The following ZPLD1 variants were observed in gnomAD, a reference collection of about 807,000 sequenced individuals.
ZPLD1 encodes zona pellucida like domain containing 1, also known as zona pellucida-like domain-containing protein 1.
Under a neutral mutation model 47.2 loss-of-function variants are expected in ZPLD1, and 34 were observed. That is an observed-to-expected ratio of 0.72 (90% CI 0.55 to 0.96). ZPLD1 has a LOEUF of 0.96. ZPLD1 is among the 40% of genes least tolerant of loss of function. The pLI, the probability that ZPLD1 is intolerant of heterozygous loss-of-function variation, is 0.00. For missense variants in ZPLD1, 512 were observed against 505.8 expected, an observed-to-expected ratio of 1.01 and a Z score of -0.12; for synonymous variants, 176 against 186.2, an observed-to-expected ratio of 0.95 and a Z score of 0.45.
intron 8 of ZPLD1, among the ~76,000 whole-genome samples, chr3:102,426,132 G>GCACA (rs79509819): frequency 8.6e-4 from 123 of 143,094 alleles, no homozygotes; most frequent in African/African-American, 1.4e-3. Flanking sequence ...ACACACACAT[G>GCACA]CACACACACA....
At chr3:102,469,910 T>C (rs1213140522) in intron 9 of ZPLD1, among the ~76,000 whole-genome samples, 1 of 152,234 alleles carries the variant, frequency 6.6e-6, no homozygotes, top group Non-Finnish European at 1.5e-5. Context: ...GCATGCCCTT[T>C]TTTAATTTGA....
intron 6 of ZPLD1, among the ~76,000 whole-genome samples, chr3:102,390,559 A>T (rs533104103): frequency 1.3e-5 from 2 of 152,364 alleles, no homozygotes; most frequent in South Asian, 4.1e-4. Flanking sequence ...ATTCAACATG[A>T]TGCAGATGCC....
chr3:102,453,797 T>C (rs569471628), intron 4 of ZPLD1, among the ~76,000 whole-genome samples: 1 of 152,346 alleles, frequency 6.6e-6, no homozygotes, highest in East Asian at 1.9e-4. Flanking sequence ...TTAGAAATAC[T>C]AGTTTGTAGC....
At chr3:102,427,416 G>C (rs1439484643) in intron 8 of ZPLD1, among the ~76,000 whole-genome samples, 1 of 152,124 alleles carries the variant, frequency 6.6e-6, no homozygotes, top group East Asian at 1.9e-4. Flanking sequence ...AGATATGAGG[G>C]TTTTGGGGAT....
chr3:102,437,763 C>T (rs570494683), intron 2 of ZPLD1, among the ~76,000 whole-genome samples: 1 of 152,334 alleles, frequency 6.6e-6, no homozygotes, highest in Non-Finnish European at 1.5e-5. Flanking sequence ...TTAAAAAAAT[C>T]TTCCATTACT....
Position 102,478,305 on chromosome 3 carries a change from C to T in ZPLD1, c.*687C>T, listed in dbSNP as rs1707788486. ...TCATTATTCATTAGAATAGGAATGG[C>T]TGCGATCAGTTTTCTTCTTCTGGTT... is the stretch of plus-strand genomic sequence containing the variant. On this transcript the variant is annotated 3_prime_UTR_variant, in exon 12 of 12. Coordinates refer to ENST00000466937, the MANE Select transcript of ZPLD1 (RefSeq NM_001329788.2). 6.6e-6 allele frequency: 1 copy of T among 152,208 alleles called. No individual in the cohort carries two copies. The highest frequency in any genetic ancestry group is 1.5e-5 in the Non-Finnish European group (1 of 68,044). 9.4% of individuals were successfully genotyped at this position (152,208 alleles called of 1,614,324 possible). A position where few individuals can be genotyped will look rare whatever the true frequency, so the allele number is the denominator to read the frequency against.
intron 10 of ZPLD1, among the ~76,000 whole-genome samples, chr3:102,471,689 C>G (rs1409930464): frequency 6.6e-6 from 1 of 152,152 alleles, no homozygotes; most frequent in Non-Finnish European, 1.5e-5. Flanking sequence ...GCCGGAAAAA[C>G]TGGTTCTAGG....
At chr3:102,437,228 C>T (rs537160215) in intron 2 of ZPLD1, among the ~76,000 whole-genome samples, 4 of 152,204 alleles carry the variant, frequency 2.6e-5, no homozygotes, top group South Asian at 4.1e-4. Flanking sequence ...GATCTGTGCC[C>T]GAGTACTGTG....
intron 6 of ZPLD1, among the ~76,000 whole-genome samples, chr3:102,388,292 C>G (rs953668396): frequency 6.6e-6 from 1 of 151,968 alleles, no homozygotes; most frequent in Non-Finnish European, 1.5e-5. Context: ...AGTATACTCT[C>G]TCTTGTATAT....
chr3:102,471,017 T>C (rs1312700168), intron 10 of ZPLD1, among the ~76,000 whole-genome samples: 1 of 152,094 alleles, frequency 6.6e-6, no homozygotes, highest in African/African-American at 2.4e-5. Context: ...GACCTCATAA[T>C]CCACCCACCT....
intron 4 of ZPLD1, among the ~76,000 whole-genome samples, chr3:102,455,429 C>A (rs1707398186): frequency 6.6e-6 from 1 of 152,190 alleles, no homozygotes; most frequent in Non-Finnish European, 1.5e-5. Flanking sequence ...TCTGAAAGTT[C>A]TTGAACCCCC....
intron 7 of ZPLD1, among the ~76,000 whole-genome samples, chr3:102,400,396 C>T (rs1173780548): frequency 6.6e-6 from 1 of 152,032 alleles, no homozygotes; most frequent in Non-Finnish European, 1.5e-5. Context: ...GGAATAAAAA[C>T]AAGAGTTGAC....
chr3:102,402,459 A>G (rs911257706), intron 7 of ZPLD1, among the ~76,000 whole-genome samples: 1 of 152,098 alleles, frequency 6.6e-6, no homozygotes, highest in African/African-American at 2.4e-5. Context: ...TTTAAGTAGG[A>G]TGCTGTGTAA....
chr3:102,406,941 T>C (rs1576128832), intron 7 of ZPLD1, among the ~76,000 whole-genome samples: 3 of 151,968 alleles, frequency 2.0e-5, no homozygotes, highest in Admixed American at 2.0e-4. Flanking sequence ...GAGCTCAATA[T>C]CAACTTCAAC....
At chr3:102,395,254 A>T (rs192940517) in intron 7 of ZPLD1, among the ~76,000 whole-genome samples, 86 of 152,260 alleles carry the variant, frequency 5.6e-4, no homozygotes, top group African/African-American at 2.0e-3. Context: ...TACCAAATAT[A>T]TATATATACA....
chr3:102,449,642 G>A (rs1232888103), intron 3 of ZPLD1, among the ~76,000 whole-genome samples: 1 of 152,018 alleles, frequency 6.6e-6, no homozygotes, highest in East Asian at 1.9e-4. Flanking sequence ...TCTCAGCATT[G>A]CATTGCTGTG....
intron 10 of ZPLD1, among the ~76,000 whole-genome samples, chr3:102,474,873 A>C (rs1171807508): frequency 6.6e-6 from 1 of 152,102 alleles, no homozygotes; most frequent in African/African-American, 2.4e-5. Context: ...CTTTTAGCAT[A>C]TATGTACATG....
intron 8 of ZPLD1, among the ~76,000 whole-genome samples, chr3:102,423,342 C>A (rs531290737): frequency 2.0e-5 from 3 of 151,816 alleles, no homozygotes; most frequent in African/African-American, 7.3e-5. Context: ...TATAGCAAAA[C>A]CTTATTCCTC....
chr3:102,391,886 T>A (rs1419449087), intron 6 of ZPLD1, among the ~76,000 whole-genome samples: 1 of 152,168 alleles, frequency 6.6e-6, no homozygotes, highest in African/African-American at 2.4e-5. Context: ...GTAACAGGGC[T>A]GGGCAATGTG....
Sources: allele counts gnomAD v4.1 joint callset (sites outside exome capture counted in the v4.1 genomes callset), GRCh38; gene constraint gnomAD v4.1.1; transcripts MANE v1.5; gene names NCBI Gene and HGNC (gene_info 2026-07-23, HGNC 2026-07-21).